Variants in ASIC2 observed in about 807,000 individuals in gnomAD.
ASIC2 encodes the protein acid sensing ion channel subunit 2, also known as acid-sensing ion channel 2.
ASIC2 carries 25 observed loss-of-function variants against 57.3 expected under a neutral mutation model. The observed-to-expected ratio is 0.44, with a 90% CI of 0.32 to 0.61. The LOEUF (loss-of-function observed/expected upper bound fraction) is 0.61. ASIC2 is among the 20% of genes least tolerant of loss of function. The probability of loss-of-function intolerance (pLI) is 0.06; values close to 1 mark genes in which losing one functional copy is unlikely to be tolerated. For missense variants in ASIC2, 641 were observed against 738.1 expected (o/e 0.87, Z 1.52); for synonymous variants, 319 against 307.5 (o/e 1.04, Z -0.39).
At chr17:33,479,098 A>G (rs1009924367) in intron 1 of ASIC2, among the ~76,000 whole-genome samples, 3 of 152,030 alleles carry the variant, frequency 2.0e-5, no homozygotes, top group Non-Finnish European at 4.4e-5. Context: ...TCCCGGGTTC[A>G]AGCGATTCTC....
In ASIC2 at chr17:33,602,633, C is replaced by T. The variant is rs116587247; in HGVS notation, c.556-490566G>A. ...CCCCACCCATTCATAGGACAAGGCC[C>T]TCAATGAGCTGCATCACCCACAAAA... On this transcript the variant is annotated intron_variant, in intron 1 of 9. Transcript: ENST00000359872. 5.5e-3 allele frequency among the ~76,000 whole-genome samples: 843 copies of T among 152,292 alleles called. 4 individuals are homozygous for T. Among genetic ancestry groups the T allele is most frequent in the African/African-American group, 0.019 (791 of 41,566 alleles).
intron 3 of ASIC2, among the ~76,000 whole-genome samples, chr17:33,083,621 AG>A (rs2092122533): frequency 6.6e-6 from 1 of 152,202 alleles, no homozygotes; most frequent in African/African-American, 2.4e-5. Flanking sequence ...GGCCTTTGCC[AG>A]GTAGATGAAA....
intron 1 of ASIC2, among the ~76,000 whole-genome samples, chr17:33,509,197 A>G (rs951025968): frequency 2.6e-5 from 4 of 152,196 alleles, no homozygotes; most frequent in Non-Finnish European, 5.9e-5. Flanking sequence ...AGGGCGGGAC[A>G]GGATGCTGGG....
intron 1 of ASIC2, among the ~76,000 whole-genome samples, chr17:33,259,989 T>C (rs1028532124): frequency 5.3e-5 from 8 of 152,110 alleles, no homozygotes; most frequent in East Asian, 3.9e-4. Flanking sequence ...CTGAGGGATA[T>C]TGGCTGAGTG....
At chr17:33,196,502 G>T (rs1906634755) in intron 1 of ASIC2, among the ~76,000 whole-genome samples, 2 of 152,164 alleles carry the variant, frequency 1.3e-5, no homozygotes, top group Admixed American at 1.3e-4. Context: ...GGTGTAGCCA[G>T]CTGAAGAGCA....
intron 1 of ASIC2, among the ~76,000 whole-genome samples, chr17:33,405,017 T>A (rs1910418517): frequency 6.6e-6 from 1 of 152,088 alleles, no homozygotes; most frequent in South Asian, 2.1e-4. Context: ...TTTTCTTTTT[T>A]GTCTTGAACG....
At chr17:33,881,976 C>A (rs1259053339) in intron 1 of ASIC2, among the ~76,000 whole-genome samples, 1 of 152,194 alleles carries the variant, frequency 6.6e-6, no homozygotes, top group South Asian at 2.1e-4. Flanking sequence ...ACCATCTGAT[C>A]TTTGACAAAC....
intron 1 of ASIC2, among the ~76,000 whole-genome samples, chr17:33,365,841 TTA>T (rs1415007148): frequency 4.6e-5 from 7 of 152,172 alleles, no homozygotes; most frequent in African/African-American, 1.7e-4. Context: ...AAAAGTCTAT[TTA>T]TTTAAAGTTT....
chr17:33,592,169 C>G (rs1471268520), intron 1 of ASIC2, among the ~76,000 whole-genome samples: 1 of 152,210 alleles, frequency 6.6e-6, no homozygotes, highest in Non-Finnish European at 1.5e-5. Context: ...CATGGAACTT[C>G]CATTCTATCT....
At chr17:33,264,956 A>T (rs1235475506) in intron 1 of ASIC2, among the ~76,000 whole-genome samples, 1 of 152,246 alleles carries the variant, frequency 6.6e-6, no homozygotes, top group Admixed American at 6.5e-5. Flanking sequence ...GCATCAGCCT[A>T]GCTAAGAACA....
intron 1 of ASIC2, among the ~76,000 whole-genome samples, chr17:33,772,300 C>A (rs537966415): frequency 6.6e-6 from 1 of 152,350 alleles, no homozygotes; most frequent in South Asian, 2.1e-4. Context: ...GACAGGCCAG[C>A]CTTGCTGGGT....
chr17:33,666,576 T>C (rs1907480024), intron 1 of ASIC2, among the ~76,000 whole-genome samples: 1 of 152,170 alleles, frequency 6.6e-6, no homozygotes, highest in Non-Finnish European at 1.5e-5. Context: ...AGGAATCATC[T>C]GGAAGGCTTG....
chr17:33,621,689 C>T (rs370620743), intron 1 of ASIC2, among the ~76,000 whole-genome samples: 4 of 152,180 alleles, frequency 2.6e-5, no homozygotes, highest in African/African-American at 9.6e-5. Context: ...CTTTCTCCTG[C>T]GGTTTTCTGA....
chr17:33,704,907 A>G (rs1056515332), intron 1 of ASIC2, among the ~76,000 whole-genome samples: 4 of 152,216 alleles, frequency 2.6e-5, no homozygotes, highest in African/African-American at 9.6e-5. Context: ...ATGACTCCCT[A>G]TATTGGGTTT....
At chr17:33,857,656 G>T (rs1268781406) in intron 1 of ASIC2, among the ~76,000 whole-genome samples, 1 of 152,162 alleles carries the variant, frequency 6.6e-6, no homozygotes, top group Admixed American at 6.5e-5. Context: ...TGAACTGTTC[G>T]AGGCGCTGAG....
At chr17:33,896,755 C>A (rs183557192) in intron 1 of ASIC2, among the ~76,000 whole-genome samples, 1 of 152,192 alleles carries the variant, frequency 6.6e-6, no homozygotes, top group Non-Finnish European at 1.5e-5. Context: ...TTATGATAGG[C>A]GAAACAGTTT....
At chr17:33,640,710 C>T (rs1174139748) in intron 1 of ASIC2, among the ~76,000 whole-genome samples, 1 of 152,210 alleles carries the variant, frequency 6.6e-6, no homozygotes, top group Non-Finnish European at 1.5e-5. Context: ...ATTTAGGAAC[C>T]TGCGTGTAGT....
At chr17:34,050,213 T>C (rs1446011078) in intron 1 of ASIC2, among the ~76,000 whole-genome samples, 1 of 152,178 alleles carries the variant, frequency 6.6e-6, no homozygotes, top group African/African-American at 2.4e-5. Flanking sequence ...AGACAAGAGT[T>C]TATGATTGCC....
intron 3 of ASIC2, among the ~76,000 whole-genome samples, chr17:33,030,275 C>G (rs1374169230): frequency 6.6e-6 from 1 of 152,128 alleles, no homozygotes; most frequent in East Asian, 1.9e-4. Flanking sequence ...GCAGTCACTG[C>G]CTCCCTGCCA....
Sources: allele counts gnomAD v4.1 joint callset (sites outside exome capture counted in the v4.1 genomes callset), GRCh38; gene constraint gnomAD v4.1.1; transcripts MANE v1.5; gene names NCBI Gene and HGNC (gene_info 2026-07-23, HGNC 2026-07-21).